Variants in DAP observed in about 807,000 individuals in gnomAD.
DAP encodes the protein death-associated protein 1.
DAP carries 8 observed loss-of-function variants against 13.8 expected under a neutral mutation model. The observed-to-expected ratio is 0.58, with a 90% confidence interval of 0.34 to 1.05. The LOEUF (loss-of-function observed/expected upper bound fraction) is 1.05, where lower values mean the gene tolerates loss of function less well. Among genes scored for constraint, DAP ranks in the 50% least tolerant of loss-of-function variants. The probability of loss-of-function intolerance (pLI) is 0.03; values close to 1 mark genes in which losing one functional copy is unlikely to be tolerated. For missense variants in DAP, 106 were observed against 133.2 expected, an observed-to-expected ratio of 0.80 and a Z score of 1.01; for synonymous variants, 47 against 47.5, an observed-to-expected ratio of 0.99 and a Z score of 0.04.
chr5:10,734,628 C>G (rs75330792), intron 2 of DAP, among the ~76,000 whole-genome samples: 8 of 152,190 alleles, frequency 5.3e-5, no homozygotes, highest in African/African-American at 9.7e-5. Flanking sequence ...CCTAGGGCGA[C>G]TCTGAGCAAA....
chr5:10,742,002 T>TA (rs1419330460), intron 2 of DAP, among the ~76,000 whole-genome samples: 1 of 152,262 alleles, frequency 6.6e-6, no homozygotes, highest in African/African-American at 2.4e-5. Flanking sequence ...GTTGACTACG[T>TA]AAATATCGTG....
At chr5:10,748,626 C>T (rs557757114) in intron 1 of DAP, among the ~76,000 whole-genome samples, 39 of 152,286 alleles carry the variant, frequency 2.6e-4, no homozygotes, top group African/African-American at 9.4e-4. Flanking sequence ...GAGCTCACCT[C>T]AACCCTCCCC....
At chr5:10,753,095 C>T (rs1317871117) in intron 1 of DAP, among the ~76,000 whole-genome samples, 1 of 152,212 alleles carries the variant, frequency 6.6e-6, no homozygotes, top group Non-Finnish European at 1.5e-5. Flanking sequence ...TCCGTCATTA[C>T]ATCACCACCT....
chr5:10,696,147 C>T (rs902487884), intron 2 of DAP, among the ~76,000 whole-genome samples: 1 of 152,190 alleles, frequency 6.6e-6, no homozygotes, highest in East Asian at 1.9e-4. Context: ...TACCCCTTTC[C>T]CTGGATGCAA....
At chr5:10,681,190 C>T in intron 3 of DAP, 21 bp from the exon 4 acceptor site, 4 of 1,473,466 alleles carry the variant, frequency 2.7e-6, no homozygotes, top group Non-Finnish European at 3.6e-6. Context: ...ACACGGAAAG[C>T]TCAGGTTAAT....
At position 10,681,152 on chromosome 5, in the gene DAP, G is replaced by T; in HGVS notation, c.213C>A (p.Pro71=). 1 of 1,516,246 alleles carries T rather than the reference G, an allele frequency of 6.6e-7. No homozygotes were observed. The highest frequency in any genetic ancestry group is 1.4e-5 in the South Asian group (1 of 73,988). 93.9% of individuals were successfully genotyped at this position (1,516,246 alleles called of 1,614,324 possible). The change falls in exon 4 of 4, where the codon CCC becomes CCA. Residue 71 remains proline, a synonymous_variant. Transcript: ENST00000230895. The stretch of plus-strand genomic sequence containing the variant: ...GGTGAGCCACCTGCGCAGCCGCCGG[G>T]GGGAAATCTTTGTCACCCTGTCAGG... ...GVIARGDKDF[P]PAAAQVAHQK... is the part of the protein sequence containing the mutation.
intron 3 of DAP, chr5:10,683,225 A>G (rs1738067939): frequency 2.2e-6 from 1 of 460,184 alleles, no homozygotes; most frequent in African/African-American, 2.0e-5. Context: ...ATGGACGGCA[A>G]TACTGTGGGG....
intron 2 of DAP, among the ~76,000 whole-genome samples, chr5:10,728,410 G>A (rs1739345863): frequency 6.6e-6 from 1 of 152,162 alleles, no homozygotes. Context: ...GATTTAGACT[G>A]AGCCCAAAGG....
At chr5:10,685,647 C>T (rs1156351541) in intron 2 of DAP, among the ~76,000 whole-genome samples, 1 of 152,206 alleles carries the variant, frequency 6.6e-6, no homozygotes, top group Non-Finnish European at 1.5e-5. Context: ...GTATCATCTT[C>T]AACAAGGCAC....
chr5:10,681,288 G>A (rs1737985560), intron 3 of DAP, 119 bp from the exon 4 acceptor site: 1 of 787,468 alleles, frequency 1.3e-6, no homozygotes, highest in Admixed American at 3.1e-5. Flanking sequence ...TGTGTGTGAG[G>A]AAGCCTCAGG....
intron 2 of DAP, among the ~76,000 whole-genome samples, chr5:10,733,155 CGTGTGTGT>C (rs55645932): frequency 0.011 from 1,362 of 128,466 alleles, 17 homozygotes; most frequent in Middle Eastern, 0.026. Flanking sequence ...AATATTCCTG[CGTGTGTGT>C]GTGTGTGTGT....
intron 2 of DAP, among the ~76,000 whole-genome samples, chr5:10,700,722 G>A (rs1738555888): frequency 6.6e-6 from 1 of 152,240 alleles, no homozygotes; most frequent in Admixed American, 6.5e-5. Context: ...CCACCACCCA[G>A]ATGGGGCCGG....
chr5:10,753,342 G>A (rs55696181), intron 1 of DAP, among the ~76,000 whole-genome samples: 8,512 of 152,312 alleles, frequency 0.056, 282 homozygotes, highest in South Asian at 0.081. Flanking sequence ...ATTCCTTCCA[G>A]GAAGCAGAGC....
intron 2 of DAP, among the ~76,000 whole-genome samples, chr5:10,722,573 C>CATACATATATATACATAT (rs1421924967): frequency 6.2e-5 from 9 of 146,056 alleles, no homozygotes; most frequent in Non-Finnish European, 1.0e-4. Flanking sequence ...TATATACATA[C>CATACATATATATACATAT]ATACATATAT....
chr5:10,748,884 T>G (rs1027063208), intron 1 of DAP, among the ~76,000 whole-genome samples: 1 of 152,208 alleles, frequency 6.6e-6, no homozygotes, highest in Non-Finnish European at 1.5e-5. Flanking sequence ...TATAATTCGA[T>G]GGTTTTGAGT....
chr5:10,721,715 G>C (rs1466595423), intron 2 of DAP, among the ~76,000 whole-genome samples: 1 of 152,204 alleles, frequency 6.6e-6, no homozygotes, highest in Non-Finnish European at 1.5e-5. Context: ...TGAAGGCAAA[G>C]GGAATACAGA....
In DAP at chr5:10,707,630, T is replaced by C. The variant is rs2930054; in HGVS notation, c.153-24059A>G. ...AGTGTGGTGCACAGGCGGCGTGATG[T>C]ACAGGTGGTGTGATGCACGGGTGGT... On this transcript the variant is annotated intron_variant, in intron 2 of 3. Transcript: ENST00000230895. This position sits in a 1 kb window ranked among gnomAD's most constrained non-coding sequence, Gnocchi z 4.0. Among the ~76,000 whole-genome samples the C allele has an allele frequency of 0.23, 34,518 of 150,620 alleles. 4,086 individuals are homozygous for C. Among genetic ancestry groups the C allele is most frequent in the Middle Eastern group, 0.36 (103 of 290 alleles).
At chr5:10,695,058 T>C (rs892415883) in intron 2 of DAP, among the ~76,000 whole-genome samples, 2 of 152,240 alleles carry the variant, frequency 1.3e-5, no homozygotes, top group Admixed American at 6.5e-5. Context: ...CTTAATTTAT[T>C]TGGGCTATTA....
At chr5:10,723,281 T>A (rs1252539586) in intron 2 of DAP, among the ~76,000 whole-genome samples, 1 of 152,218 alleles carries the variant, frequency 6.6e-6, no homozygotes, top group Non-Finnish European at 1.5e-5. Flanking sequence ...ATAAGAATGA[T>A]AAAAACCATG....
Sources: allele counts gnomAD v4.1 joint callset (sites outside exome capture counted in the v4.1 genomes callset), GRCh38; gene constraint gnomAD v4.1.1; non-coding constraint Gnocchi (gnomAD v3.1); transcripts MANE v1.5; gene names NCBI Gene and HGNC (gene_info 2026-07-23, HGNC 2026-07-21).